The following CADPS2 variants were observed in gnomAD, a reference collection of about 807,000 sequenced individuals.
CADPS2 encodes the protein calcium-dependent secretion activator 2.
CADPS2 carries 93 observed loss-of-function variants against 172.5 expected under a neutral mutation model. That is an observed-to-expected ratio of 0.54 (90% CI 0.46 to 0.64). The LOEUF is 0.64. Ranked by LOEUF, CADPS2 falls within the 30% of genes least tolerant of loss-of-function variation. The pLI is 0.00. For synonymous variants in CADPS2, 546 were observed against 555.2 expected (o/e 0.98, Z 0.23); for missense variants, 1,420 against 1,565.9 (o/e 0.91, Z 1.57).
At chr7:122,438,844 T>C (rs1426179244) in intron 16 of CADPS2, among the ~76,000 whole-genome samples, 1 of 152,020 alleles carries the variant, frequency 6.6e-6, no homozygotes, top group African/African-American at 2.4e-5. Flanking sequence ...TGCACATCCC[T>C]AATTTAAAAG....
At chr7:122,783,092 TGTGGTCC>T (rs1793163312) in intron 1 of CADPS2, among the ~76,000 whole-genome samples, 1 of 150,736 alleles carries the variant, frequency 6.6e-6, no homozygotes, top group East Asian at 2.0e-4. Context: ...GGCGGGCGCC[TGTGGTCC>T]CAGCTACTCG....
At chr7:122,421,248 T>C (rs2048495721) in intron 17 of CADPS2, 1 of 152,222 alleles carries the variant, frequency 6.6e-6, no homozygotes, top group African/African-American at 2.4e-5. Flanking sequence ...TTTATGTATA[T>C]ATTATGTAAC....
chr7:122,665,824 G>A (rs990088288), intron 2 of CADPS2, among the ~76,000 whole-genome samples: 1 of 152,074 alleles, frequency 6.6e-6, no homozygotes. Context: ...TACCAGCTCT[G>A]GCTCAATTAC....
intron 2 of CADPS2, among the ~76,000 whole-genome samples, chr7:122,673,382 T>C (rs2082066032): frequency 6.6e-6 from 1 of 152,202 alleles, no homozygotes; most frequent in Non-Finnish European, 1.5e-5. Context: ...TTACAATCCC[T>C]GAGCTAGACA....
At chr7:122,602,858 C>T (rs936139966) in intron 6 of CADPS2, among the ~76,000 whole-genome samples, 2 of 152,072 alleles carry the variant, frequency 1.3e-5, no homozygotes, top group Non-Finnish European at 2.9e-5. Flanking sequence ...TGCTAATCCA[C>T]GTGTCAGTTG....
chr7:122,432,236 C>T (rs2050030173), intron 17 of CADPS2, among the ~76,000 whole-genome samples: 1 of 152,126 alleles, frequency 6.6e-6, no homozygotes, highest in African/African-American at 2.4e-5. Flanking sequence ...ATGGCAACAG[C>T]AGGACCTTGT....
intron 6 of CADPS2, among the ~76,000 whole-genome samples, chr7:122,612,482 C>T (rs1017679697): frequency 1.3e-5 from 2 of 151,578 alleles, no homozygotes; most frequent in Non-Finnish European, 2.9e-5. Context: ...ATACATGTAA[C>T]AAAAAAATAA....
chr7:122,613,646 T>A (rs2074555075), intron 6 of CADPS2, among the ~76,000 whole-genome samples: 1 of 151,826 alleles, frequency 6.6e-6, no homozygotes, highest in African/African-American at 2.4e-5. Flanking sequence ...TAAGGCTGGA[T>A]TGGTTGGGGG....
At chr7:122,741,301 T>C (rs1488179682) in intron 1 of CADPS2, among the ~76,000 whole-genome samples, 1 of 152,132 alleles carries the variant, frequency 6.6e-6, no homozygotes, top group Non-Finnish European at 1.5e-5. Flanking sequence ...CTTCCATATA[T>C]AGACAGAAAC....
intron 8 of CADPS2, among the ~76,000 whole-genome samples, chr7:122,522,265 T>C (rs1238354909): frequency 6.6e-6 from 1 of 151,938 alleles, no homozygotes; most frequent in Admixed American, 6.6e-5. Flanking sequence ...CAGAGGCATG[T>C]CACCATACCC....
intron 1 of CADPS2, among the ~76,000 whole-genome samples, chr7:122,779,824 A>G (rs980865318): frequency 1.1e-4 from 17 of 152,180 alleles, no homozygotes; most frequent in Non-Finnish European, 2.1e-4. Flanking sequence ...TCATGCTCCA[A>G]TATCTTGCTA....
chr7:122,856,174 C>T (rs952483317), intron 1 of CADPS2, among the ~76,000 whole-genome samples: 2 of 152,170 alleles, frequency 1.3e-5, no homozygotes, highest in Non-Finnish European at 2.9e-5. Flanking sequence ...AGCCAACATC[C>T]CACTCCCTGT....
chr7:122,725,751 G>A (rs1016603738), intron 2 of CADPS2, among the ~76,000 whole-genome samples: 1 of 151,704 alleles, frequency 6.6e-6, no homozygotes, highest in African/African-American at 2.4e-5. Context: ...CTTTGATCAC[G>A]TCACTGTACT....
At chr7:122,573,112 A>G (rs1265319593) in intron 7 of CADPS2, among the ~76,000 whole-genome samples, 2 of 152,170 alleles carry the variant, frequency 1.3e-5, no homozygotes, top group Admixed American at 1.3e-4. Flanking sequence ...ATTTGTGTCA[A>G]TGATGCTATT....
chr7:122,559,770 CAAAAAAAA>C (rs71161306), intron 7 of CADPS2, among the ~76,000 whole-genome samples: 39 of 85,128 alleles, frequency 4.6e-4, no homozygotes, highest in East Asian at 5.5e-4. Flanking sequence ...GACTCCACCT[CAAAAAAAA>C]AAAAAAAAAA....
Position 122,454,488 on chromosome 7 carries a change from T to C in CADPS2, c.2187-3013A>G, listed in dbSNP as rs766909811. On this transcript the variant is annotated intron_variant, in intron 14 of 29. Transcript: ENST00000449022. ...AGAAACCCAATGAAACCATGAAAGTTATATTTGAAAAGCAATAATGGAGTA... is the reference window on the plus strand; with the variant it reads ...AGAAACCCAATGAAACCATGAAAGTCATATTTGAAAAGCAATAATGGAGTA... Among the ~76,000 whole-genome samples the C allele has an allele frequency of 4.0e-4, 61 of 152,174 alleles. 1 individual carries two copies. Among genetic ancestry groups the C allele is most frequent in the Non-Finnish European group, 4.3e-4 (29 of 68,028 alleles).
chr7:122,495,619 C>T (rs1439632822), intron 9 of CADPS2, among the ~76,000 whole-genome samples: 7 of 152,030 alleles, frequency 4.6e-5, no homozygotes, highest in Admixed American at 6.6e-5. Context: ...CATTCTTGTA[C>T]GTCTTGTCTT....
chr7:122,618,843 C>T (rs1221776338), intron 5 of CADPS2, among the ~76,000 whole-genome samples: 1 of 152,152 alleles, frequency 6.6e-6, no homozygotes, highest in Non-Finnish European at 1.5e-5. Flanking sequence ...ACCATCGTCA[C>T]TTAACACGAT....
At chr7:122,720,207 CGT>C (rs2090195215) in intron 2 of CADPS2, among the ~76,000 whole-genome samples, 1 of 151,838 alleles carries the variant, frequency 6.6e-6, no homozygotes, top group South Asian at 2.1e-4. Flanking sequence ...AGGCAGTAAA[CGT>C]ATGCCATAAT....
Sources: allele counts gnomAD v4.1 joint callset (sites outside exome capture counted in the v4.1 genomes callset), GRCh38; gene constraint gnomAD v4.1.1; transcripts MANE v1.5; gene names NCBI Gene and HGNC (gene_info 2026-07-23, HGNC 2026-07-21).